The following GTF2H2C variants were observed in gnomAD, a reference collection of about 807,000 sequenced individuals.
The protein encoded by GTF2H2C is GTF2H2 family member C.
GTF2H2C carries 5 observed loss-of-function variants against 24.8 expected under a neutral mutation model. The ratio of observed to expected loss-of-function variants is 0.20; its 90% confidence interval spans 0.11 to 0.42. GTF2H2C has a LOEUF of 0.42. Ranked by LOEUF, GTF2H2C falls within the 20% of genes least tolerant of loss-of-function variation. The pLI is 1.00. For synonymous variants in GTF2H2C, 14 were observed against 52.6 expected (o/e 0.27, Z 3.18); for missense variants, 45 against 169.8 (o/e 0.27, Z 4.08).
At chr5:69,565,449 A>G (rs1770696738) in intron 3 of GTF2H2C, 1 of 123,040 alleles carries the variant, frequency 8.1e-6, no homozygotes, top group Non-Finnish European at 1.6e-5. Context: ...GTGGGCAATC[A>G]TTAGTCTACT....
chr5:69,561,145 C>A (rs1481702854), intron 1 of GTF2H2C, among the ~76,000 whole-genome samples: 3 of 151,992 alleles, frequency 2.0e-5, no homozygotes, highest in Non-Finnish European at 4.4e-5. Context: ...TGCATGAATC[C>A]TTTAAACAGC....
chr5:69,569,605 G>A (rs1770965132), intron 8 of GTF2H2C: 1 of 52,922 alleles, frequency 1.9e-5, no homozygotes, highest in African/African-American at 4.0e-5. Context: ...GAAGAAGGAT[G>A]GTTCCTCCAA....
intron 1 of GTF2H2C, among the ~76,000 whole-genome samples, chr5:69,562,067 C>G (rs1770395906): frequency 1.3e-5 from 2 of 151,994 alleles, no homozygotes; most frequent in Non-Finnish European, 2.9e-5. Context: ...GCCTGTAATC[C>G]CAGCACTTTG....
rs372454225 is a variant in GTF2H2C, at chr5:69,563,208, G to GT, written c.-34+462dup. Among the ~76,000 whole-genome samples, 301 of 107,150 alleles carry GT rather than the reference G, an allele frequency of 2.8e-3. 2 individuals carry two copies. The highest frequency in any genetic ancestry group is 4.9e-3 in the Middle Eastern group (1 of 204). 70.3% of individuals were successfully genotyped at this position (107,150 alleles called of 152,430 possible). A position where few individuals can be genotyped will look rare whatever the true frequency, so the allele number is the denominator to read the frequency against. On this transcript the variant is annotated intron_variant, in intron 2 of 16. Coordinates refer to ENST00000380729, the MANE Select transcript of GTF2H2C (RefSeq NM_001376000.2). ...GATGTCAGCCATCATACCCGGCCTG[G>GT]TTTTTTTTTTTTTTTTTTTTTTTTG...
intron 2 of GTF2H2C, among the ~76,000 whole-genome samples, chr5:69,564,638 C>CT (rs560307131): frequency 1.2e-4 from 16 of 138,182 alleles, no homozygotes; most frequent in Non-Finnish European, 1.4e-4. Flanking sequence ...ATTTTGTGTC[C>CT]TTTTTTTTTG....
Position 69,563,385 on chromosome 5 carries a change from A to G in GTF2H2C, c.-34+615A>G, listed in dbSNP as rs1005589837. Among the ~76,000 whole-genome samples the G allele has an allele frequency of 1.3e-4, 20 of 150,942 alleles. No homozygotes were observed. In the East Asian group the frequency reaches 2.8e-3, roughly 21 times the overall value. On this transcript the variant is annotated intron_variant, in intron 2 of 16. Coordinates refer to ENST00000380729, the MANE Select transcript of GTF2H2C (RefSeq NM_001376000.2). ...ACCTGCCACCATGCCCAACTAATTT[A>G]TGTATTTTTAGTAGAGACGGGTGTT...
rs535543413 is a variant in GTF2H2C at position 69,561,732 on chromosome 5, C to T, written c.-131-941C>T. ...AGTAGTGAACATAGTAGCCTCGACT[C>T]TCCTGGGCTCAAGCCATCCTCCCAC... On this transcript the variant is annotated intron_variant, in intron 1 of 16. Coordinates refer to ENST00000380729, the MANE Select transcript of GTF2H2C (RefSeq NM_001376000.2). Among the ~76,000 whole-genome samples, 300 of 151,962 alleles carry T rather than the reference C, an allele frequency of 2.0e-3. 2 individuals are homozygous for T. The highest frequency in any genetic ancestry group is 7.0e-3 in the African/African-American group (291 of 41,428).
rs1770771524 is a variant in GTF2H2C, at chr5:69,566,512, A to G, written c.135-77A>G. ...AAAAAAAGAAAAACAAAGGAGGTCA[A>G]TTGGAAAGTTGTATTTTTTTTTGTG... On this transcript the variant is annotated intron_variant, in intron 4 of 16. Transcript: ENST00000380729. 7 of 1,391,662 alleles carry G rather than the reference A, an allele frequency of 5.0e-6. No individual in the cohort carries two copies. In the South Asian group the frequency reaches 7.8e-5, roughly 15 times the overall value. The allele number at this position is 1,391,662 out of a possible 1,614,324, so 86.2% of individuals were successfully genotyped here.
rs1263599965 is a variant in GTF2H2C at position 69,594,054 on chromosome 5, G to A, written c.*1856G>A. Among the ~76,000 whole-genome samples, 27 of 53,294 alleles carry A rather than the reference G, an allele frequency of 5.1e-4. No homozygotes were observed. The highest frequency in any genetic ancestry group is 8.4e-4 in the Non-Finnish European group (22 of 26,150). The allele number at this position is 53,294 out of a possible 152,430, so 35.0% of individuals were successfully genotyped here. On this transcript the variant is annotated 3_prime_UTR_variant, in exon 17 of 17. Transcript: ENST00000380729. Reference sequence around the variant, plus strand: ...ACTTGAGTTTCACTATGAAATTTGTGATTTTTTTTTTTTTTTTTTTGAGAT... The same window carrying A: ...ACTTGAGTTTCACTATGAAATTTGTAATTTTTTTTTTTTTTTTTTTGAGAT...
chr5:69,565,019 A>G (rs1158564223), intron 2 of GTF2H2C, 81 bp from the exon 3 acceptor site: 22 of 1,004,848 alleles, frequency 2.2e-5, no homozygotes, highest in Non-Finnish European at 3.2e-5. Flanking sequence ...TACTTTATAT[A>G]TGTGTCTAAT....
chr5:69,566,467 A>G, intron 4 of GTF2H2C, 122 bp from the exon 5 acceptor site: 15 of 1,510,068 alleles, frequency 9.9e-6, no homozygotes, highest in Middle Eastern at 1.7e-4. Flanking sequence ...GCACGTTATG[A>G]CATTCTTAAT....
intron 8 of GTF2H2C, chr5:69,569,678 C>A (rs551592479): frequency 3.4e-4 from 27 of 79,888 alleles, no homozygotes; most frequent in African/African-American, 6.5e-4. Flanking sequence ...CAGCAGTTTT[C>A]TATTGCTTCT....
Position 69,593,792 on chromosome 5 carries a change from T to G in GTF2H2C, c.*1594T>G, listed in dbSNP as rs1426459310. ...TCTACTAAACATACAAAAAATTAGC[T>G]GGGCCTGGTGGCGGGCGCCTGTAGT... On this transcript the variant is annotated 3_prime_UTR_variant, in exon 17 of 17. Coordinates refer to ENST00000380729, the MANE Select transcript of GTF2H2C (RefSeq NM_001376000.2). 1.4e-4 allele frequency: 3 copies of G among 21,912 alleles called. No homozygotes were observed. Among genetic ancestry groups the G allele is most frequent in the Non-Finnish European group, 1.8e-4 (2 of 11,292 alleles). The allele number at this position is 21,912 out of a possible 1,614,324, so 1.4% of individuals were successfully genotyped here. A position where few individuals can be genotyped will look rare whatever the true frequency, so the allele number is the denominator to read the frequency against.
At chr5:69,573,383 C>T (rs1771196985) in intron 9 of GTF2H2C, among the ~76,000 whole-genome samples, 1 of 87,562 alleles carries the variant, frequency 1.1e-5, no homozygotes, top group African/African-American at 4.4e-5. Flanking sequence ...GGGGTTTCAT[C>T]ATGTTAGCCA....
chr5:69,573,031 A>G (rs1370511002), intron 9 of GTF2H2C, among the ~76,000 whole-genome samples: 2 of 136,780 alleles, frequency 1.5e-5, no homozygotes, highest in Admixed American at 1.5e-4. Context: ...AAGCTTATAT[A>G]TATATATAAG....
chr5:69,562,084 C>G, intron 1 of GTF2H2C, among the ~76,000 whole-genome samples: 1 of 151,892 alleles, frequency 6.6e-6, no homozygotes, highest in Non-Finnish European at 1.5e-5. Context: ...TTTGGGAGGC[C>G]GAGGTGAGTG....
chr5:69,573,137 A>T (rs1176913217), intron 9 of GTF2H2C, among the ~76,000 whole-genome samples: 1 of 103,160 alleles, frequency 9.7e-6, no homozygotes, highest in African/African-American at 4.1e-5. Context: ...TTATATATCT[A>T]TTATATATAC....
chr5:69,573,141 T>TACACAC (rs1465676624), intron 9 of GTF2H2C, among the ~76,000 whole-genome samples: 18 of 62,302 alleles, frequency 2.9e-4, no homozygotes, highest in African/African-American at 1.5e-3. Context: ...ATATCTATTA[T>TACACAC]ATATACACAC....
Position 69,594,073 on chromosome 5 carries a change from T to G in GTF2H2C, c.*1875T>G. 3.0e-5 allele frequency among the ~76,000 whole-genome samples: 1 copy of G among 33,088 alleles called. No individual in the cohort carries two copies. Among genetic ancestry groups the G allele is most frequent in the Admixed American group, 3.0e-4 (1 of 3,380 alleles). The allele number at this position is 33,088 out of a possible 152,430, so 21.7% of individuals were successfully genotyped here. On this transcript the variant is annotated 3_prime_UTR_variant, in exon 17 of 17. Transcript: ENST00000380729. Reference sequence around the variant, plus strand: ...ATTTGTGATTTTTTTTTTTTTTTTTTTGAGATGGAGTCTTGCTCCATCGCC... The same window carrying G: ...ATTTGTGATTTTTTTTTTTTTTTTTGTGAGATGGAGTCTTGCTCCATCGCC...
Sources: allele counts gnomAD v4.1 joint callset (sites outside exome capture counted in the v4.1 genomes callset), GRCh38; gene constraint gnomAD v4.1.1; transcripts MANE v1.5; gene names NCBI Gene and HGNC (gene_info 2026-07-23, HGNC 2026-07-21).